The following KLHDC1 variants were observed in gnomAD, a reference collection of about 807,000 sequenced individuals.
KLHDC1 encodes the protein kelch domain containing 1.
A neutral mutation model predicts 68.3 loss-of-function variants in KLHDC1; 53 were observed. The ratio of observed to expected loss-of-function variants is 0.78; its 90% confidence interval spans 0.62 to 0.98. KLHDC1 has a LOEUF of 0.98. KLHDC1 is among the 50% of genes least tolerant of loss of function. KLHDC1 has a pLI of 0.00. For synonymous variants in KLHDC1, 148 were observed against 159.0 expected (o/e 0.93, Z 0.52); for missense variants, 470 against 492.3 (o/e 0.95, Z 0.43).
Position 49,734,547 on chromosome 14 carries a change from C to T in KLHDC1, c.824-42C>T. On this transcript the variant is annotated intron_variant, in intron 9 of 12. Coordinates refer to ENST00000359332, the MANE Select transcript of KLHDC1 (RefSeq NM_172193.3). ...TGGGGGGAAAATTAAAATTGTATCCCAGAGACCTAATCTTAATTTCTGAAC... is the reference window on the plus strand; with the variant it reads ...TGGGGGGAAAATTAAAATTGTATCCTAGAGACCTAATCTTAATTTCTGAAC... 4.2e-6 allele frequency: 5 copies of T among 1,179,000 alleles called. No individual in the cohort carries two copies. In the South Asian group the frequency reaches 7.5e-5, roughly 18 times the overall value. The allele number at this position is 1,179,000 out of a possible 1,614,324, so 73.0% of individuals were successfully genotyped here.
chr14:49,743,725 TTAA>T (rs773579126), intron 11 of KLHDC1, 25 bp from the exon 12 acceptor site: 6 of 1,454,796 alleles, frequency 4.1e-6, no homozygotes, highest in East Asian at 2.3e-5. Context: ...TATCAAAAAC[TTAA>T]TAATGCCTTT....
chr14:49,704,549 A>G (rs1226325976), intron 1 of KLHDC1, among the ~76,000 whole-genome samples: 3 of 151,532 alleles, frequency 2.0e-5, no homozygotes, highest in South Asian at 4.2e-4. Flanking sequence ...ACCCGCCACC[A>G]TGCCCAGCTA....
chr14:49,728,105 C>G (rs977366754), intron 6 of KLHDC1, among the ~76,000 whole-genome samples: 7 of 152,068 alleles, frequency 4.6e-5, no homozygotes. Flanking sequence ...GCAGATCGCT[C>G]GAGGCCAGGA....
chr14:49,709,954 T>G, intron 3 of KLHDC1, 128 bp downstream of exon 3: 1 of 547,498 alleles, frequency 1.8e-6, no homozygotes, highest in Middle Eastern at 5.0e-4. Flanking sequence ...TTAAATATTT[T>G]AAAGCTGGGT....
intron 1 of KLHDC1, among the ~76,000 whole-genome samples, chr14:49,693,736 T>TATTTTG (rs1887642400): frequency 9.4e-6 from 1 of 106,522 alleles, no homozygotes; most frequent in African/African-American, 3.3e-5. Context: ...ATATTTATTT[T>TATTTTG]CTTTTCTTTT....
At position 49,709,751 on chromosome 14, in the gene KLHDC1, A is replaced by G. The variant is rs760913240; in HGVS notation, c.210A>G (p.Ser70=). 5.6e-6 allele frequency: 9 copies of G among 1,603,938 alleles called. No individual in the cohort carries two copies. The Admixed American group carries it at 1.4e-4, about 25-fold the overall frequency. The change falls in exon 3 of 13, where the codon TCA becomes TCG. Residue 70 remains serine, a synonymous_variant. Transcript: ENST00000359332. Reference sequence around the variant, plus strand: ...AAGGAGAACTCCCAGCCTCCATGTCAGGAAGCTGTGGTGCTTGCATTAATG... The same window carrying G: ...AAGGAGAACTCCCAGCCTCCATGTCGGGAAGCTGTGGTGCTTGCATTAATG... ...LMEGELPASM[S]GSCGACINGK... is the part of the protein sequence containing the mutation.
intron 12 of KLHDC1, among the ~76,000 whole-genome samples, chr14:49,744,364 A>G (rs1293751433): frequency 3.3e-5 from 5 of 151,948 alleles, no homozygotes; most frequent in Non-Finnish European, 5.9e-5. Flanking sequence ...TGTTTGTAAA[A>G]TTGCCTTTAG....
At chr14:49,701,330 C>T (rs979907030) in intron 1 of KLHDC1, among the ~76,000 whole-genome samples, 2 of 151,954 alleles carry the variant, frequency 1.3e-5, no homozygotes, top group African/African-American at 4.8e-5. Context: ...GAGGAAAAAA[C>T]TATAATGGAA....
rs1888277774 is a variant in KLHDC1, at chr14:49,713,815, TATATATATATATATATATATATATA to T, written c.404+3435_404+3459del. On this transcript the variant is annotated intron_variant, in intron 4 of 12. Transcript: ENST00000359332. ...GGCAGGAGGTATATATATATATATATATATATATATATATATATATATATATATATATATATTTTTTTTTTTTTTT... is the reference window on the plus strand; with the variant it reads ...GGCAGGAGGTATATATATATATATATTATATATATATTTTTTTTTTTTTTT... Among the ~76,000 whole-genome samples the T allele has an allele frequency of 9.7e-4, 5 of 5,148 alleles. 1 individual carries two copies. In the Non-Finnish European group the frequency reaches 0.017, roughly 18 times the overall value. 3.4% of individuals were successfully genotyped at this position (5,148 alleles called of 152,430 possible).
At chr14:49,728,842 A>C (rs1888733561) in intron 6 of KLHDC1, 84 bp from the exon 7 acceptor site, 1 of 964,380 alleles carries the variant, frequency 1.0e-6, no homozygotes, top group Non-Finnish European at 1.7e-6. Flanking sequence ...TTAGTGATTA[A>C]GACTTTCACA....
At chr14:49,719,400 TTTTATTTATTTATTTA>T (rs146638829) in intron 4 of KLHDC1, among the ~76,000 whole-genome samples, 4 of 150,766 alleles carry the variant, frequency 2.7e-5, no homozygotes, top group African/African-American at 9.7e-5. Flanking sequence ...ACTTTACAGG[TTTTATTTATTTATTTA>T]TTTATTTATT....
chr14:49,699,181 A>T (rs1259887315), intron 1 of KLHDC1, among the ~76,000 whole-genome samples: 1 of 151,308 alleles, frequency 6.6e-6, no homozygotes, highest in Non-Finnish European at 1.5e-5. Context: ...AAAAAAAAAA[A>T]ATCACAGTTC....
chr14:49,723,238 A>G (rs1441888469), intron 4 of KLHDC1, among the ~76,000 whole-genome samples: 1 of 151,542 alleles, frequency 6.6e-6, no homozygotes, highest in Non-Finnish European at 1.5e-5. Context: ...TTCAAGATGA[A>G]ATTTGGGTAG....
intron 10 of KLHDC1, 51 bp from the exon 11 acceptor site, chr14:49,740,047 A>C: frequency 1.0e-6 from 1 of 973,276 alleles, no homozygotes; most frequent in Non-Finnish European, 1.6e-6. Flanking sequence ...TATATAATGT[A>C]CAGTTTCTCC....
At position 49,693,154 on chromosome 14, in the gene KLHDC1, G is replaced by C. The variant is rs757429294; in HGVS notation, c.-41G>C. 4 of 1,541,738 alleles carry C rather than the reference G, an allele frequency of 2.6e-6. No individual in the cohort carries two copies. Among genetic ancestry groups the C allele is most frequent in the East Asian group, 2.6e-5 (1 of 38,064 alleles). Reference sequence around the variant, plus strand: ...TGGAGGCGAGGCCGCCGGGCGGGCAGGGGTTGTGGCGCGGCAAGCGGCGGG... The same window carrying C: ...TGGAGGCGAGGCCGCCGGGCGGGCACGGGTTGTGGCGCGGCAAGCGGCGGG... On this transcript the variant is annotated 5_prime_UTR_variant, in exon 1 of 13. Coordinates refer to ENST00000359332, the MANE Select transcript of KLHDC1 (RefSeq NM_172193.3).
chr14:49,699,377 G>T (rs981488038), intron 1 of KLHDC1, among the ~76,000 whole-genome samples: 1 of 151,268 alleles, frequency 6.6e-6, no homozygotes, highest in Non-Finnish European at 1.5e-5. Flanking sequence ...GAAGGAAAGG[G>T]AGACTAGGAG....
At chr14:49,701,165 G>A (rs1219961552) in intron 1 of KLHDC1, among the ~76,000 whole-genome samples, 2 of 152,134 alleles carry the variant, frequency 1.3e-5, no homozygotes, top group Admixed American at 6.6e-5. Flanking sequence ...TATTTAAAAG[G>A]TAGCATTTCA....
At chr14:49,694,664 G>A (rs1262601293) in intron 1 of KLHDC1, among the ~76,000 whole-genome samples, 1 of 152,072 alleles carries the variant, frequency 6.6e-6, no homozygotes, top group African/African-American at 2.4e-5. Flanking sequence ...GACCAGCCTG[G>A]CCAACATGGT....
intron 11 of KLHDC1, among the ~76,000 whole-genome samples, 169 bp downstream of exon 11, chr14:49,740,351 T>C (rs111299940): frequency 2.6e-5 from 4 of 152,140 alleles, no homozygotes; most frequent in African/African-American, 9.6e-5. Context: ...TGTTTGTTTG[T>C]TTTTGAGATG....
Sources: gnomAD v4.1 joint callset for allele counts (sites outside exome capture counted in the v4.1 genomes callset) on GRCh38, gnomAD v4.1.1 for gene constraint, MANE v1.5 for transcripts, NCBI Gene and HGNC (gene_info 2026-07-23, HGNC 2026-07-21) for gene names.